Variants in TXNRD2 observed in about 807,000 individuals in gnomAD.
TXNRD2 encodes thioredoxin reductase 2, also known as thioredoxin reductase 2, mitochondrial.
TXNRD2 carries 67 observed loss-of-function variants against 70.8 expected under a neutral mutation model. The observed-to-expected ratio is 0.95, with a 90% CI of 0.78 to 1.16. TXNRD2 has a LOEUF of 1.16. TXNRD2 is among the 50% of genes most tolerant of loss of function. The pLI is 0.00. For missense variants in TXNRD2, 644 were observed against 719.9 expected (o/e 0.89, Z 1.21); for synonymous variants, 301 against 295.8 (o/e 1.02, Z -0.18).
chr22:19,913,904 C>T (rs896663504), intron 7 of TXNRD2, among the ~76,000 whole-genome samples: 6 of 152,168 alleles, frequency 3.9e-5, no homozygotes, highest in African/African-American at 1.4e-4. Flanking sequence ...TCTTAGCTGA[C>T]CACTAAGCTA....
intron 1 of TXNRD2, chr22:19,933,322 G>T: frequency 1.7e-6 from 1 of 579,716 alleles, no homozygotes; most frequent in Non-Finnish European, 2.9e-6. Flanking sequence ...AGGACTGCTG[G>T]TCAGGGAGAA....
intron 8 of TXNRD2, among the ~76,000 whole-genome samples, chr22:19,905,850 CA>C: frequency 6.7e-6 from 1 of 150,012 alleles, no homozygotes; most frequent in African/African-American, 2.5e-5. Flanking sequence ...AGAAGAAGTG[CA>C]GCCAGCCCAA....
intron 3 of TXNRD2, 146 bp downstream of exon 3, chr22:19,919,397 G>A: frequency 1.3e-6 from 1 of 762,778 alleles, no homozygotes; most frequent in South Asian, 1.5e-5. Context: ...GAACTTTAAA[G>A]TAATGATGAG....
Position 19,925,796 on chromosome 22 carries a change from T to A in TXNRD2, c.172+5234A>T, listed in dbSNP as rs893560192. Among the ~76,000 whole-genome samples, 5 of 151,940 alleles carry A rather than the reference T, an allele frequency of 3.3e-5. No homozygotes were observed. The South Asian group carries it at 6.2e-4, about 19-fold the overall frequency. On this transcript the variant is annotated intron_variant, in intron 2 of 17. Coordinates refer to ENST00000400521, the MANE Select transcript of TXNRD2 (RefSeq NM_006440.5). ...TTTCTTAGCTATGATACCAAAATCA[T>A]AAGCAACAAAGGAAAAAAATAGATA...
At chr22:19,931,235 G>A in intron 1 of TXNRD2, 137 bp from the exon 2 acceptor site, 1 of 790,858 alleles carries the variant, frequency 1.3e-6, no homozygotes, top group Non-Finnish European at 2.2e-6. Flanking sequence ...CAGAAAGAGT[G>A]ACTCGATACA....
At chr22:19,925,041 T>C (rs1941071866) in intron 2 of TXNRD2, among the ~76,000 whole-genome samples, 1 of 150,488 alleles carries the variant, frequency 6.6e-6, no homozygotes, top group Admixed American at 6.6e-5. Flanking sequence ...TCCCAGCACT[T>C]TGGGAGGCCA....
intron 8 of TXNRD2, among the ~76,000 whole-genome samples, chr22:19,901,973 C>T (rs1939798179): frequency 1.3e-5 from 2 of 152,206 alleles, no homozygotes; most frequent in Non-Finnish European, 2.9e-5. Context: ...CCAAGGTGGA[C>T]AGACTGCTTG....
At chr22:19,932,437 C>G in intron 1 of TXNRD2, 1 of 1,610,796 alleles carries the variant, frequency 6.2e-7, no homozygotes, top group Non-Finnish European at 8.5e-7. Flanking sequence ...CGTGTCTACT[C>G]TGCAAGCTAC....
chr22:19,894,303 A>G (rs5993854), intron 11 of TXNRD2: 33,028 of 152,144 alleles, frequency 0.22, 5,012 homozygotes, highest in African/African-American at 0.43. Flanking sequence ...TTTGGAGATA[A>G]TGGAAAAGTT....
At chr22:19,902,946 G>A (rs772925095) in intron 8 of TXNRD2, 17 of 518,664 alleles carry the variant, frequency 3.3e-5, no homozygotes, top group East Asian at 2.2e-4. Context: ...GCTGGCTTCC[G>A]GACTTCCTAA....
At chr22:19,879,647 G>A (rs1164308317) in intron 14 of TXNRD2, among the ~76,000 whole-genome samples, 3 of 151,896 alleles carry the variant, frequency 2.0e-5, no homozygotes, top group African/African-American at 4.8e-5. Flanking sequence ...AGCAGAGGTC[G>A]GAGGCCCCTG....
intron 8 of TXNRD2, chr22:19,903,084 C>T (rs903110334): frequency 1.5e-5 from 8 of 516,374 alleles, no homozygotes; most frequent in African/African-American, 1.5e-4. Flanking sequence ...GGTGGAGCAG[C>T]CTCAGAGGGT....
rs748674090 is a variant in TXNRD2 at position 19,918,161 on chromosome 22, C to T, written c.431G>A (p.Arg144His). 8.1e-6 allele frequency: 13 copies of T among 1,614,156 alleles called. 1 individual carries two copies. The highest frequency in any genetic ancestry group is 7.7e-5 in the South Asian group (7 of 91,088). The stretch of plus-strand genomic sequence containing the variant: ...TCAGTACCTGTCCTGAAGCTGGACA[C>T]GGTGGCCCCAGTTCAAGGATTTCAC... ...NHVKSLNWGH[R>H]VQLQDRKVKY... The change falls in exon 5 of 18, where the codon CGT (arginine) becomes CAT (histidine). Residue 144 changes from arginine (R) to histidine (H), a missense_variant. Coordinates refer to ENST00000400521, the MANE Select transcript of TXNRD2 (RefSeq NM_006440.5).
Position 19,905,891 on chromosome 22 carries a change from G to A in TXNRD2, c.662+5486C>T, listed in dbSNP as rs34140079. 8.0e-3 allele frequency among the ~76,000 whole-genome samples: 1,165 copies of A among 144,794 alleles called. 15 individuals are homozygous for A. Among genetic ancestry groups the A allele is most frequent in the Non-Finnish European group, 9.8e-3 (655 of 67,030 alleles). 95.0% of individuals were successfully genotyped at this position (144,794 alleles called of 152,430 possible). On this transcript the variant is annotated intron_variant, in intron 8 of 17. Transcript: ENST00000400521. The stretch of plus-strand genomic sequence containing the variant: ...GTAAAAGAAAATCCGACTTGTGGAC[G>A]CCCATAAGGAAAATACAGGGCTTAA...
intron 12 of TXNRD2, among the ~76,000 whole-genome samples, chr22:19,882,202 C>T (rs895489576): frequency 6.6e-6 from 1 of 152,112 alleles, no homozygotes; most frequent in African/African-American, 2.4e-5. Context: ...GCCCAGCTGA[C>T]ACTTTCTGAC....
intron 8 of TXNRD2, among the ~76,000 whole-genome samples, chr22:19,906,813 G>A (rs939907487): frequency 2.0e-5 from 3 of 150,650 alleles, no homozygotes; most frequent in Non-Finnish European, 4.4e-5. Flanking sequence ...AGTCTCAGGA[G>A]AGTGTGGGCG....
chr22:19,877,242 T>C lies in TXNRD2; in HGVS notation c.1446-8A>G, dbSNP rs748858662. ...GCATAGGAAGCCCCACACCTGCACA[T>C]GGGGGATGGGGGAGGCAGGCGGGGT... On this transcript the variant is annotated splice_polypyrimidine_tract_variant and splice_region_variant and intron_variant, in intron 16 of 17. Transcript: ENST00000400521. 2 of 1,601,404 alleles carry C rather than the reference T, an allele frequency of 1.2e-6. No individual in the cohort carries two copies. The highest frequency in any genetic ancestry group is 8.5e-7 in the Non-Finnish European group (1 of 1,172,004).
At chr22:19,940,799 G>A (rs1941684574) in intron 1 of TXNRD2, among the ~76,000 whole-genome samples, 2 of 152,260 alleles carry the variant, frequency 1.3e-5, no homozygotes, top group African/African-American at 2.4e-5. Context: ...GCAAGGCCAC[G>A]AGGTGGTGAC....
chr22:19,918,869 G>T lies in TXNRD2; in HGVS notation c.365C>A (p.Pro122Gln), dbSNP rs745896340. Residue 122 changes from proline to glutamine, a missense_variant, in exon 4 of 18, where the codon CCG becomes CAG. Coordinates refer to ENST00000400521, the MANE Select transcript of TXNRD2 (RefSeq NM_006440.5). ...NYGWEVAQPVPHDWRKMAEAV... is the reference protein window; with the variant it reads ...NYGWEVAQPVQHDWRKMAEAV... ...GGCGCCAGATCCTTACCAGTCATGC[G>T]GCACGGGCTGGGCCACCTCCCAGCC... is the stretch of plus-strand genomic sequence containing the variant. 1 of 1,608,748 alleles carries T rather than the reference G, an allele frequency of 6.2e-7. No homozygotes were observed. The highest frequency in any genetic ancestry group is 1.7e-5 in the Admixed American group (1 of 59,998).
Sources: gnomAD v4.1 joint callset for allele counts (sites outside exome capture counted in the v4.1 genomes callset) on GRCh38, gnomAD v4.1.1 for gene constraint, MANE v1.5 for transcripts, NCBI Gene and HGNC (gene_info 2026-07-23, HGNC 2026-07-21) for gene names.